CRTAM: variants seen among roughly 807,000 people sequenced by gnomAD.
CRTAM encodes the protein cytotoxic and regulatory T-cell molecule.
CRTAM carries 44 observed loss-of-function variants against 50.0 expected under a neutral mutation model. The observed-to-expected ratio is 0.88, with a 90% CI of 0.69 to 1.13. The LOEUF (loss-of-function observed/expected upper bound fraction) is 1.13, where lower values mean the gene tolerates loss of function less well. CRTAM is among the 50% of genes most tolerant of loss of function. The pLI is 0.00. For synonymous variants in CRTAM, 159 were observed against 169.3 expected (o/e 0.94, Z 0.47); for missense variants, 448 against 457.5 (o/e 0.98, Z 0.19).
At position 122,851,747 on chromosome 11, in the gene CRTAM, T is replaced by A. The variant is rs1448453293; in HGVS notation, c.248T>A (p.Ile83Asn). Reference protein sequence around the residue: ...LLHHSANQLSITVPNVTLQDE... With the variant: ...LLHHSANQLSNTVPNVTLQDE... Reference sequence around the variant, plus strand: ...CATCACTCGGCCAATCAGCTCTCCATCACTGTGCCTAACGTAACCCTGCAA... The same window carrying A: ...CATCACTCGGCCAATCAGCTCTCCAACACTGTGCCTAACGTAACCCTGCAA... Residue 83 changes from isoleucine to asparagine, a missense_variant, in exon 3 of 10, where the codon ATC becomes AAC. By Grantham distance (149) the Ile-to-Asn change is moderately radical. Coordinates refer to ENST00000227348, the MANE Select transcript of CRTAM (RefSeq NM_019604.4). 6.2e-7 allele frequency: 1 copy of A among 1,614,152 alleles called. No individual in the cohort carries two copies. The highest frequency in any genetic ancestry group is 8.5e-7 in the Non-Finnish European group (1 of 1,180,000).
chr11:122,860,952 C>A (rs997911766), intron 5 of CRTAM, among the ~76,000 whole-genome samples: 7 of 152,100 alleles, frequency 4.6e-5, no homozygotes, highest in Non-Finnish European at 8.8e-5. Context: ...CTGCCTCGGC[C>A]CCCCACAGAA....
Position 122,842,267 on chromosome 11 carries a change from ATGTT to A in CRTAM, c.46+3700_46+3703del, listed in dbSNP as rs60959162. 4.0e-3 allele frequency among the ~76,000 whole-genome samples: 614 copies of A among 152,046 alleles called. 1 individual carries two copies. The highest frequency in any genetic ancestry group is 0.023 in the East Asian group (118 of 5,164). On this transcript the variant is annotated intron_variant, in intron 1 of 9. Transcript: ENST00000227348. The stretch of plus-strand genomic sequence containing the variant: ...AGACATAATCAAATTCATGGGTTAT[ATGTT>A]TGTTTGTTTGTTTGTTTGTTTGTTG...
chr11:122,849,211 A>G (rs1410747401), intron 1 of CRTAM, among the ~76,000 whole-genome samples: 1 of 152,206 alleles, frequency 6.6e-6, no homozygotes, highest in South Asian at 2.1e-4. Context: ...TAGACACACA[A>G]CTTGAAGGTA....
intron 9 of CRTAM, among the ~76,000 whole-genome samples, chr11:122,869,463 A>G (rs760364397): frequency 1.4e-4 from 22 of 152,336 alleles, no homozygotes; most frequent in Middle Eastern, 6.8e-3. Context: ...AATTCCTGAG[A>G]CAAAATATGT....
In CRTAM at chr11:122,854,007, T is replaced by G; in HGVS notation, c.411T>G (p.Val137=). 1 of 1,614,082 alleles carries G rather than the reference T, an allele frequency of 6.2e-7. No homozygotes were observed. The highest frequency in any genetic ancestry group is 2.2e-5 in the East Asian group (1 of 44,876). ...VIRKQNGEEH[V]VLMCSTMRSK... is the part of the protein sequence containing the mutation. ...GAAAGCAAAATGGAGAAGAACATGT[T>G]GTACTCATGTGCTCCACCATGAGAA... is the stretch of plus-strand genomic sequence containing the variant. Residue 137 remains valine, a synonymous_variant, in exon 4 of 10, where the codon GTT becomes GTG. Transcript: ENST00000227348.
chr11:122,850,161 C>G lies in CRTAM; in HGVS notation c.140C>G (p.Ser47Cys). The change falls in exon 2 of 10, where the codon TCC (serine) becomes TGC (cysteine). Residue 47 changes from serine (S) to cysteine (C), a missense_variant. By Grantham distance (112) the Ser-to-Cys change is moderately radical. Transcript: ENST00000227348. Reference protein sequence around the residue: ...KCVTSLRKNSSLQWLTPSGFT... With the variant: ...KCVTSLRKNSCLQWLTPSGFT... Reference sequence around the variant, plus strand: ...GTCACTTCTCTGAGGAAGAACTCCTCCCTCCAGTGGCTGACCCCCTCAGGG... The same window carrying G: ...GTCACTTCTCTGAGGAAGAACTCCTGCCTCCAGTGGCTGACCCCCTCAGGG... The G allele has an allele frequency of 6.2e-7, 1 of 1,613,418 alleles. No homozygotes were observed. The highest frequency in any genetic ancestry group is 8.5e-7 in the Non-Finnish European group (1 of 1,179,430).
At chr11:122,869,214 C>A (rs932747749) in intron 9 of CRTAM, among the ~76,000 whole-genome samples, 2 of 152,082 alleles carry the variant, frequency 1.3e-5, no homozygotes, top group African/African-American at 2.4e-5. Flanking sequence ...CAGGGATACC[C>A]CAAGACCACC....
chr11:122,866,805 G>T (rs890208099), intron 7 of CRTAM, among the ~76,000 whole-genome samples: 1 of 151,754 alleles, frequency 6.6e-6, no homozygotes, highest in African/African-American at 2.4e-5. Context: ...GAGACAAAGT[G>T]TCACTATGTT....
intron 9 of CRTAM, among the ~76,000 whole-genome samples, chr11:122,870,907 C>T (rs1057487506): frequency 1.3e-5 from 2 of 151,922 alleles, no homozygotes; most frequent in African/African-American, 2.4e-5. Flanking sequence ...AGTGAAACCC[C>T]GTCTCTACAA....
intron 1 of CRTAM, among the ~76,000 whole-genome samples, chr11:122,848,333 C>A (rs1425204361): frequency 1.3e-5 from 2 of 152,332 alleles, no homozygotes; most frequent in South Asian, 2.1e-4. Flanking sequence ...CTATTAATAT[C>A]ATCCTTATTA....
Position 122,859,327 on chromosome 11 carries a change from T to C in CRTAM, c.653-3137T>C, listed in dbSNP as rs536546398. 2.6e-5 allele frequency among the ~76,000 whole-genome samples: 4 copies of C among 152,144 alleles called. No individual in the cohort carries two copies. The South Asian group carries it at 8.3e-4, about 32-fold the overall frequency. ...GGTTTCGCCATGTTGGGCAGGCTGA[T>C]CTTGAACTCCTGACCTCAGGTGATC... On this transcript the variant is annotated intron_variant, in intron 5 of 9. Coordinates refer to ENST00000227348, the MANE Select transcript of CRTAM (RefSeq NM_019604.4).
intron 1 of CRTAM, 60 bp from the exon 2 acceptor site, chr11:122,850,008 A>T: frequency 6.9e-7 from 1 of 1,439,128 alleles, no homozygotes; most frequent in South Asian, 1.6e-5. Context: ...TGAACGAGAC[A>T]AAATCCCTGA....
intron 1 of CRTAM, among the ~76,000 whole-genome samples, chr11:122,849,821 C>A (rs533554310): frequency 1.3e-5 from 2 of 152,234 alleles, no homozygotes; most frequent in East Asian, 3.9e-4. Context: ...GTAGTTTGAC[C>A]TTCCCTGTCT....
chr11:122,838,524 G>C lies in CRTAM; in HGVS notation c.-23G>C. On this transcript the variant is annotated 5_prime_UTR_variant, in exon 1 of 10. Coordinates refer to ENST00000227348, the MANE Select transcript of CRTAM (RefSeq NM_019604.4). ...CAGAATCTAGAGGAAGTTGACAAAG[G>C]TGCCACAGCAGCACAGCACAGTATG... 1.9e-6 allele frequency: 3 copies of C among 1,612,356 alleles called. No individual in the cohort carries two copies. Among genetic ancestry groups the C allele is most frequent in the Non-Finnish European group, 2.5e-6 (3 of 1,179,348 alleles).
rs370998914 is a variant in CRTAM, at chr11:122,862,462, A to G, written c.653-2A>G. On this transcript the variant is annotated splice_acceptor_variant, in intron 5 of 9. Transcript: ENST00000227348. LOFTEE classifies it high-confidence loss of function. ...CAGAATTTTGTTTTTCCCCTTTCCT[A>G]GTTACTGATGAAGAGACAGCTTCAG... The G allele has an allele frequency of 1.2e-6, 2 of 1,606,318 alleles. No homozygotes were observed. The highest frequency in any genetic ancestry group is 1.7e-4 in the Middle Eastern group (1 of 6,052).
chr11:122,842,679 G>T (rs1195575348), intron 1 of CRTAM, among the ~76,000 whole-genome samples: 3 of 152,236 alleles, frequency 2.0e-5, no homozygotes, highest in Non-Finnish European at 2.9e-5. Context: ...GTCCAGGAAA[G>T]AAATGATGGA....
chr11:122,861,175 C>A (rs909767084), intron 5 of CRTAM, among the ~76,000 whole-genome samples: 1 of 151,598 alleles, frequency 6.6e-6, no homozygotes, highest in Non-Finnish European at 1.5e-5. Context: ...CTTAGTAATT[C>A]TTTCTTTCCT....
At chr11:122,863,636 A>G (rs1862128536) in intron 6 of CRTAM, among the ~76,000 whole-genome samples, 1 of 152,156 alleles carries the variant, frequency 6.6e-6, no homozygotes. Context: ...GTACCATACA[A>G]TTTTTTGAAG....
At chr11:122,862,704 G>A (rs1862103097) in intron 6 of CRTAM, among the ~76,000 whole-genome samples, 160 bp downstream of exon 6, 1 of 152,196 alleles carries the variant, frequency 6.6e-6, no homozygotes, top group Non-Finnish European at 1.5e-5. Flanking sequence ...TCCTAGAGAA[G>A]AACCACATCA....
Sources: allele counts gnomAD v4.1 joint callset (sites outside exome capture counted in the v4.1 genomes callset), GRCh38; gene constraint gnomAD v4.1.1; transcripts MANE v1.5; gene names NCBI Gene and HGNC (gene_info 2026-07-23, HGNC 2026-07-21).